Variants in PKNOX1 observed in about 807,000 individuals in gnomAD.
PKNOX1 encodes homeobox protein PKNOX1.
A neutral mutation model predicts 51.9 loss-of-function variants in PKNOX1; 15 were observed. That is an observed-to-expected ratio of 0.29 (90% CI 0.19 to 0.45). The LOEUF is 0.45. Ranked by LOEUF, PKNOX1 falls within the 20% of genes least tolerant of loss-of-function variation. The pLI is 1.00. For synonymous variants in PKNOX1, 219 were observed against 211.1 expected (o/e 1.04, Z -0.32); for missense variants, 462 against 547.5 (o/e 0.84, Z 1.56).
intron 1 of PKNOX1, among the ~76,000 whole-genome samples, chr21:42,994,334 A>G (rs1458659089): frequency 2.5e-5 from 3 of 120,860 alleles, no homozygotes; most frequent in East Asian, 2.4e-4. Context: ...GAGCCACTGC[A>G]CCCAGCCAAT....
chr21:43,017,909 G>A (rs558617762), intron 6 of PKNOX1: 1 of 429,376 alleles, frequency 2.3e-6, no homozygotes, highest in Non-Finnish European at 4.2e-6. Flanking sequence ...TATTCCTTTT[G>A]TAAGTATATC....
intron 1 of PKNOX1, among the ~76,000 whole-genome samples, chr21:42,998,211 A>G (rs170917): frequency 0.89 from 136,170 of 152,224 alleles, 61,031 homozygotes; most frequent in Non-Finnish European, 0.91. Flanking sequence ...GCAAAGAGAG[A>G]AGCATGTGTG....
rs772642838 is a variant in PKNOX1, at chr21:43,021,308, G to A, written c.726G>A (p.Gln242=). ...GTIRIQNSQL[Q]LQLNQDLSIL... ...TTATTTTTCAACTTTAAAAGCTTCAGTTACAGTTAAACCAAGATCTCAGCA... is the reference window on the plus strand; with the variant it reads ...TTATTTTTCAACTTTAAAAGCTTCAATTACAGTTAAACCAAGATCTCAGCA... The change falls in exon 8 of 11, where the codon CAG becomes CAA. Residue 242 remains glutamine, a synonymous_variant. Coordinates refer to ENST00000291547, the MANE Select transcript of PKNOX1 (RefSeq NM_004571.5). The surrounding 1 kb of genome is among the most constrained non-coding windows in gnomAD (Gnocchi z 4.6). The A allele has an allele frequency of 2.6e-5, 42 of 1,599,394 alleles. No individual in the cohort carries two copies. The Admixed American group carries it at 7.1e-4, about 27-fold the overall frequency.
At position 43,014,019 on chromosome 21, in the gene PKNOX1, C is replaced by CTT. The variant is rs149943829; in HGVS notation, c.522+800_522+801dup. Reference sequence around the variant, plus strand: ...AATGTCTGCTGCTTATGTCTTTTGCCTTTTTTTTTTTTTTTTTTTTGAGAC... The same window carrying CTT: ...AATGTCTGCTGCTTATGTCTTTTGCCTTTTTTTTTTTTTTTTTTTTTTGAGAC... On this transcript the variant is annotated intron_variant, in intron 5 of 10. Transcript: ENST00000291547. Among the ~76,000 whole-genome samples the CTT allele has an allele frequency of 2.6e-3, 308 of 120,424 alleles. 2 individuals are homozygous for CTT. Among genetic ancestry groups the CTT allele is most frequent in the South Asian group, 7.9e-3 (30 of 3,804 alleles). 79.0% of individuals were successfully genotyped at this position (120,424 alleles called of 152,430 possible).
At chr21:43,002,094 G>C (rs1218863812) in intron 1 of PKNOX1, among the ~76,000 whole-genome samples, 2 of 152,160 alleles carry the variant, frequency 1.3e-5, no homozygotes, top group East Asian at 1.9e-4. Context: ...CTGAACTCAA[G>C]TGGTCCTTCC....
intron 1 of PKNOX1, among the ~76,000 whole-genome samples, chr21:42,977,334 T>A (rs2059001903): frequency 2.0e-5 from 3 of 152,170 alleles, no homozygotes; most frequent in Non-Finnish European, 4.4e-5. Flanking sequence ...GTCCTAGATG[T>A]CATCTCCTTC....
In PKNOX1 at chr21:43,030,828, T is replaced by A. The variant is rs3403; in HGVS notation, c.*727T>A. 2.0e-5 allele frequency: 3 copies of A among 152,202 alleles called. No homozygotes were observed. The highest frequency in any genetic ancestry group is 4.1e-4 in the South Asian group (2 of 4,828). 9.4% of individuals were successfully genotyped at this position (152,202 alleles called of 1,614,324 possible). The stretch of plus-strand genomic sequence containing the variant: ...AATGTTCTGAATTGACCAAATTTAA[T>A]GAACCTGCCCAAAGTTAGCTACCGT... On this transcript the variant is annotated 3_prime_UTR_variant, in exon 11 of 11. Transcript: ENST00000291547.
chr21:43,018,470 CCACCCACACA>C lies in PKNOX1; in HGVS notation c.720+244_720+253del, dbSNP rs1979602229. 1.3e-4 allele frequency among the ~76,000 whole-genome samples: 2 copies of C among 15,120 alleles called. 1 individual carries two copies. The highest frequency in any genetic ancestry group is 6.0e-4 in the African/African-American group (2 of 3,360). The allele number at this position is 15,120 out of a possible 152,430, so 9.9% of individuals were successfully genotyped here. On this transcript the variant is annotated intron_variant, in intron 7 of 10. Coordinates refer to ENST00000291547, the MANE Select transcript of PKNOX1 (RefSeq NM_004571.5). ...AAAAGTCACTCATAACCACCCCCTG[CCACCCACACA>C]CACACACACACACACACACACACAC...
At chr21:42,979,569 C>T (rs1053833233) in intron 1 of PKNOX1, among the ~76,000 whole-genome samples, 3 of 152,072 alleles carry the variant, frequency 2.0e-5, no homozygotes, top group South Asian at 2.1e-4. Flanking sequence ...TGTGAAACCC[C>T]GTCTCTACTA....
intron 1 of PKNOX1, among the ~76,000 whole-genome samples, chr21:42,999,198 G>T (rs1045909008): frequency 2.0e-5 from 3 of 152,244 alleles, no homozygotes; most frequent in Admixed American, 2.0e-4. Flanking sequence ...TGAAGCCAAG[G>T]CCCGAGTTCT....
chr21:43,021,231 A>T lies in PKNOX1; in HGVS notation c.721-72A>T. ...TGTCCGATCCTTGGCTGTTTTCTCC[A>T]CCTGCAGTTGTAAGTACTTGGATAT... On this transcript the variant is annotated intron_variant, in intron 7 of 10. Coordinates refer to ENST00000291547, the MANE Select transcript of PKNOX1 (RefSeq NM_004571.5). The surrounding 1 kb of genome is among the most constrained non-coding windows in gnomAD (Gnocchi z 4.6). 3 of 1,263,762 alleles carry T rather than the reference A, an allele frequency of 2.4e-6. No individual in the cohort carries two copies. Among genetic ancestry groups the T allele is most frequent in the Non-Finnish European group, 3.3e-6 (3 of 904,108 alleles). 78.3% of individuals were successfully genotyped at this position (1,263,762 alleles called of 1,614,324 possible).
intron 1 of PKNOX1, among the ~76,000 whole-genome samples, chr21:42,983,948 C>G (rs906990167): frequency 6.6e-6 from 1 of 152,040 alleles, no homozygotes; most frequent in Admixed American, 6.6e-5. Flanking sequence ...TTGTATTTCC[C>G]TAATAATTAG....
At position 43,013,478 on chromosome 21, in the gene PKNOX1, C is replaced by T. The variant is rs538251614; in HGVS notation, c.522+240C>T. 3.3e-5 allele frequency among the ~76,000 whole-genome samples: 5 copies of T among 152,290 alleles called. No individual in the cohort carries two copies. In the South Asian group the frequency reaches 1.0e-3, roughly 32 times the overall value. The stretch of plus-strand genomic sequence containing the variant: ...TGTTTATGGAAGGCACAATTCCATT[C>T]ATTTCTTTCTTTTATTTCTTCTGAA... On this transcript the variant is annotated intron_variant, in intron 5 of 10. Coordinates refer to ENST00000291547, the MANE Select transcript of PKNOX1 (RefSeq NM_004571.5).
At chr21:42,988,183 A>T (rs1175139694) in intron 1 of PKNOX1, among the ~76,000 whole-genome samples, 1 of 151,922 alleles carries the variant, frequency 6.6e-6, no homozygotes. Flanking sequence ...CCTCTTGAGT[A>T]GCTGAAATAG....
chr21:42,981,856 G>A lies in PKNOX1; in HGVS notation c.-57+7192G>A, dbSNP rs1052529950. Among the ~76,000 whole-genome samples, 11 of 152,322 alleles carry A rather than the reference G, an allele frequency of 7.2e-5. No homozygotes were observed. The East Asian group carries it at 2.1e-3, about 29-fold the overall frequency. ...GATAGGTGGTTCAGGATCATGCAGG[G>A]ATAAAGAAAACAGGAGTCTATGGGA... On this transcript the variant is annotated intron_variant, in intron 1 of 10. Transcript: ENST00000291547.
chr21:43,027,078 T>C (rs1379250550), intron 9 of PKNOX1, among the ~76,000 whole-genome samples: 1 of 152,112 alleles, frequency 6.6e-6, no homozygotes, highest in Non-Finnish European at 1.5e-5. Context: ...AGTCTAAAAG[T>C]AATGCTTTTG....
At chr21:43,019,787 C>T (rs989894186) in intron 7 of PKNOX1, among the ~76,000 whole-genome samples, 1 of 152,202 alleles carries the variant, frequency 6.6e-6, no homozygotes, top group Admixed American at 6.5e-5. Flanking sequence ...AGCAGTCCGC[C>T]TGCCTCGGCC....
At position 43,004,571 on chromosome 21, in the gene PKNOX1, C is replaced by T. The variant is rs536578264; in HGVS notation, c.51+139C>T. On this transcript the variant is annotated intron_variant, in intron 2 of 10. Transcript: ENST00000291547. Reference sequence around the variant, plus strand: ...GTGTATTATGCATTTATTGTACATTCGTGTTCAGAAAAAAAGCCATAGAAT... The same window carrying T: ...GTGTATTATGCATTTATTGTACATTTGTGTTCAGAAAAAAAGCCATAGAAT... 7.0e-5 allele frequency: 39 copies of T among 555,406 alleles called. No individual in the cohort carries two copies. In the African/African-American group the frequency reaches 1.5e-3, roughly 22 times the overall value. 34.4% of individuals were successfully genotyped at this position (555,406 alleles called of 1,614,324 possible). A position where few individuals can be genotyped will look rare whatever the true frequency, so the allele number is the denominator to read the frequency against.
chr21:42,998,428 G>A (rs1475738761), intron 1 of PKNOX1, among the ~76,000 whole-genome samples: 4 of 152,154 alleles, frequency 2.6e-5, no homozygotes, highest in Admixed American at 2.0e-4. Flanking sequence ...TCATAATCAT[G>A]TTTCAAAACC....
Sources: gnomAD v4.1 joint callset for allele counts (sites outside exome capture counted in the v4.1 genomes callset) on GRCh38, gnomAD v4.1.1 for gene constraint, Gnocchi (gnomAD v3.1) non-coding constraint, MANE v1.5 for transcripts, NCBI Gene and HGNC (gene_info 2026-07-23, HGNC 2026-07-21) for gene names.